The following STX8 variants were observed in gnomAD, a reference collection of about 807,000 sequenced individuals.
STX8 encodes the protein syntaxin-8.
In STX8, 23 loss-of-function variants were observed where a neutral mutation model predicts 37.5. That is an observed-to-expected ratio of 0.61 (90% confidence interval 0.44 to 0.87). The LOEUF (loss-of-function observed/expected upper bound fraction) is 0.87, where lower values mean the gene tolerates loss of function less well. Among genes scored for constraint, STX8 ranks in the 40% least tolerant of loss-of-function variants. The pLI, the probability that STX8 is intolerant of heterozygous loss-of-function variation, is 0.00. For missense variants in STX8, 313 were observed against 284.7 expected, an observed-to-expected ratio of 1.10 and a Z score of -0.71; for synonymous variants, 115 against 99.1, an observed-to-expected ratio of 1.16 and a Z score of -0.95.
intron 6 of STX8, among the ~76,000 whole-genome samples, chr17:9,451,354 A>G (rs751054270): frequency 4.6e-5 from 7 of 152,186 alleles, no homozygotes; most frequent in Admixed American, 2.0e-4. Context: ...ACGGCGACAG[A>G]CATCTCAGTT....
At chr17:9,275,511 T>C (rs901365524) in intron 7 of STX8, among the ~76,000 whole-genome samples, 1 of 152,184 alleles carries the variant, frequency 6.6e-6, no homozygotes, top group Non-Finnish European at 1.5e-5. Context: ...ACTGTCTAGC[T>C]ACTGAACTTC....
intron 6 of STX8, among the ~76,000 whole-genome samples, chr17:9,489,630 G>A (rs893632694): frequency 1.3e-5 from 2 of 151,278 alleles, no homozygotes; most frequent in Non-Finnish European, 2.9e-5. Context: ...TAGGCTAAAT[G>A]TCCTTGGGAT....
chr17:9,515,720 C>T (rs907644346), intron 4 of STX8, among the ~76,000 whole-genome samples: 3 of 152,196 alleles, frequency 2.0e-5, no homozygotes, highest in East Asian at 1.9e-4. Context: ...GATGGGGTCT[C>T]GCTATGTTGC....
intron 2 of STX8, among the ~76,000 whole-genome samples, chr17:9,564,908 G>C (rs2151917783): frequency 6.6e-6 from 1 of 152,274 alleles, no homozygotes; most frequent in Middle Eastern, 3.4e-3. Flanking sequence ...GCAATCCTAA[G>C]CAAAAAGAAC....
At chr17:9,304,927 ATGT>A (rs752052855) in intron 7 of STX8, among the ~76,000 whole-genome samples, 8,611 of 123,820 alleles carry the variant, frequency 0.07, 792 homozygotes, top group African/African-American at 0.21. Flanking sequence ...AAAAAAAAAT[ATGT>A]ATATATATAT....
rs902745722 is a variant in STX8 at position 9,524,783 on chromosome 17, T to G, written c.324-19621A>C. On this transcript the variant is annotated intron_variant, in intron 4 of 7. Coordinates refer to ENST00000306357, the MANE Select transcript of STX8 (RefSeq NM_004853.3). ...TTTGATTTGTTTTGTTTTGTTTTGT[T>G]TTTGTTTGTTTGAGATGGGGTCTCA... 4.0e-4 allele frequency among the ~76,000 whole-genome samples: 60 copies of G among 150,108 alleles called. 1 individual carries two copies. Among genetic ancestry groups the G allele is most frequent in the South Asian group, 1.3e-3 (6 of 4,758 alleles).
intron 6 of STX8, among the ~76,000 whole-genome samples, chr17:9,396,948 G>A (rs534910987): frequency 1.1e-4 from 17 of 152,316 alleles, no homozygotes; most frequent in African/African-American, 3.4e-4. Flanking sequence ...AAGAGAAGGT[G>A]CTGACCTAAG....
chr17:9,304,916 A>G (rs1438796410), intron 7 of STX8, among the ~76,000 whole-genome samples: 22 of 124,802 alleles, frequency 1.8e-4, no homozygotes, highest in Admixed American at 1.5e-3. Context: ...TATATGGGCG[A>G]AAAAAAAAAT....
At chr17:9,551,900 G>A (rs768741635) in intron 3 of STX8, among the ~76,000 whole-genome samples, 8 of 151,602 alleles carry the variant, frequency 5.3e-5, no homozygotes, top group Admixed American at 1.3e-4. Flanking sequence ...CTAGGGGGGG[G>A]TGTAACTTAT....
chr17:9,302,696 C>T (rs1297128976), intron 7 of STX8, among the ~76,000 whole-genome samples: 1 of 151,950 alleles, frequency 6.6e-6, no homozygotes, highest in African/African-American at 2.4e-5. Context: ...TGAGGATCCA[C>T]AGAGCACTGG....
chr17:9,537,012 C>T (rs113559133), intron 4 of STX8, among the ~76,000 whole-genome samples: 4 of 152,074 alleles, frequency 2.6e-5, no homozygotes, highest in East Asian at 1.9e-4. Context: ...CCTCCCAAAG[C>T]GCTGGGATTA....
intron 7 of STX8, among the ~76,000 whole-genome samples, chr17:9,303,567 G>C (rs181102571): frequency 3.7e-4 from 56 of 152,262 alleles, no homozygotes; most frequent in Admixed American, 3.4e-3. Context: ...CAGTAAATGT[G>C]ATTTCGCCAC....
At chr17:9,453,595 C>T (rs1333175379) in intron 6 of STX8, among the ~76,000 whole-genome samples, 2 of 148,612 alleles carry the variant, frequency 1.3e-5, no homozygotes, top group African/African-American at 2.5e-5. Flanking sequence ...CGGGTTCAAG[C>T]GATTCTCCTG....
chr17:9,524,781 G>A (rs1597723744), intron 4 of STX8, among the ~76,000 whole-genome samples: 1 of 75,742 alleles, frequency 1.3e-5, no homozygotes. Context: ...GTTTTGTTTT[G>A]TTTTTGTTTG....
chr17:9,320,349 AAAC>A (rs1222067684), intron 7 of STX8, among the ~76,000 whole-genome samples: 1 of 151,884 alleles, frequency 6.6e-6, no homozygotes, highest in Non-Finnish European at 1.5e-5. Context: ...AAAAAAAAGA[AAAC>A]AAAAAAAGCT....
At chr17:9,309,244 A>C (rs1909107929) in intron 7 of STX8, among the ~76,000 whole-genome samples, 1 of 152,182 alleles carries the variant, frequency 6.6e-6, no homozygotes, top group Non-Finnish European at 1.5e-5. Flanking sequence ...CCACGAAGCA[A>C]ACATTTTTGA....
intron 6 of STX8, among the ~76,000 whole-genome samples, chr17:9,457,022 G>A (rs1050370655): frequency 2.6e-5 from 4 of 152,110 alleles, no homozygotes; most frequent in African/African-American, 7.2e-5. Flanking sequence ...AATGAGACTC[G>A]AACTGGATTA....
At chr17:9,437,203 C>T (rs1904467201) in intron 6 of STX8, among the ~76,000 whole-genome samples, 2 of 152,126 alleles carry the variant, frequency 1.3e-5, no homozygotes, top group Non-Finnish European at 2.9e-5. Flanking sequence ...TTAAATATTC[C>T]ATTACTCGAT....
chr17:9,413,359 T>C (rs751897012), intron 6 of STX8, among the ~76,000 whole-genome samples: 2 of 152,168 alleles, frequency 1.3e-5, no homozygotes, highest in Non-Finnish European at 2.9e-5. Context: ...AGGTAAAATG[T>C]GGACAGAGAG....
Sources: allele counts gnomAD v4.1 joint callset (sites outside exome capture counted in the v4.1 genomes callset), GRCh38; gene constraint gnomAD v4.1.1; transcripts MANE v1.5; gene names NCBI Gene and HGNC (gene_info 2026-07-23, HGNC 2026-07-21).